TRPM3: variants seen among roughly 807,000 people sequenced by gnomAD.
TRPM3 encodes long transient receptor potential channel 3.
Under a neutral mutation model 181.2 loss-of-function variants are expected in TRPM3, and 77 were observed. The observed-to-expected ratio is 0.42, with a 90% confidence interval of 0.35 to 0.51. The LOEUF (loss-of-function observed/expected upper bound fraction) is 0.51. Among genes scored for constraint, TRPM3 ranks in the 20% least tolerant of loss-of-function variants. TRPM3 has a pLI of 0.01. For missense variants in TRPM3, 1,759 were observed against 2,196.7 expected, an observed-to-expected ratio of 0.80 and a Z score of 3.98; for synonymous variants, 745 against 796.4, an observed-to-expected ratio of 0.94 and a Z score of 1.09.
chr9:70,683,246 G>C (rs536600502), intron 8 of TRPM3, among the ~76,000 whole-genome samples: 1 of 151,996 alleles, frequency 6.6e-6, no homozygotes, highest in Non-Finnish European at 1.5e-5. Context: ...TTGAGACAAG[G>C]TCTTTTTCTG....
chr9:71,358,109 G>A (rs1426405278), intron 1 of TRPM3, among the ~76,000 whole-genome samples: 2 of 152,120 alleles, frequency 1.3e-5, no homozygotes, highest in African/African-American at 4.8e-5. Context: ...ACTAGAATAT[G>A]CCAGTCATTT....
At chr9:71,142,400 T>G (rs2075158389) in intron 1 of TRPM3, among the ~76,000 whole-genome samples, 1 of 152,046 alleles carries the variant, frequency 6.6e-6, no homozygotes, top group South Asian at 2.1e-4. Context: ...AGAAGGAAAG[T>G]AGGGAATTGA....
intron 22 of TRPM3, among the ~76,000 whole-genome samples, chr9:70,564,858 T>C (rs62545462): frequency 0.23 from 35,470 of 152,204 alleles, 4,838 homozygotes; most frequent in Admixed American, 0.31. Flanking sequence ...AATAAGTTCC[T>C]GCTGACATTA....
intron 1 of TRPM3, among the ~76,000 whole-genome samples, chr9:71,217,751 C>T (rs938354358): frequency 1.3e-5 from 2 of 152,180 alleles, no homozygotes; most frequent in Non-Finnish European, 2.9e-5. Context: ...GGGGAACCAA[C>T]CAAACAAACA....
chr9:70,816,677 A>T (rs2092720255), intron 6 of TRPM3, among the ~76,000 whole-genome samples: 1 of 152,222 alleles, frequency 6.6e-6, no homozygotes, highest in African/African-American at 2.4e-5. Flanking sequence ...TTTATTTTTA[A>T]TATTTTGGAA....
intron 20 of TRPM3, among the ~76,000 whole-genome samples, chr9:70,598,952 T>C (rs1272667315): frequency 2.0e-5 from 3 of 152,202 alleles, no homozygotes; most frequent in African/African-American, 7.2e-5. Context: ...TCAATCCTAG[T>C]ATGCTGCAAA....
intron 1 of TRPM3, among the ~76,000 whole-genome samples, chr9:70,898,589 A>G (rs28572560): frequency 0.061 from 9,191 of 150,376 alleles, 525 homozygotes; most frequent in African/African-American, 0.15. Flanking sequence ...CTCTACTAAA[A>G]ATACAAAAAT....
intron 1 of TRPM3, among the ~76,000 whole-genome samples, chr9:71,375,293 A>G (rs2092637600): frequency 6.6e-6 from 1 of 152,190 alleles, no homozygotes; most frequent in African/African-American, 2.4e-5. Context: ...CCTATTTAAT[A>G]AATGATACTG....
chr9:71,270,895 C>T (rs1328738082), intron 1 of TRPM3, among the ~76,000 whole-genome samples: 1 of 152,148 alleles, frequency 6.6e-6, no homozygotes, highest in African/African-American at 2.4e-5. Context: ...TGGAAAGATC[C>T]ATGTGGGAAA....
At chr9:70,644,342 T>C (rs1203566939) in intron 9 of TRPM3, among the ~76,000 whole-genome samples, 1 of 152,176 alleles carries the variant, frequency 6.6e-6, no homozygotes, top group Admixed American at 6.5e-5. Flanking sequence ...TACCCGACCT[T>C]GCATGTCCCC....
At chr9:71,088,335 A>G (rs548989058) in intron 1 of TRPM3, among the ~76,000 whole-genome samples, 2 of 152,232 alleles carry the variant, frequency 1.3e-5, no homozygotes, top group East Asian at 3.9e-4. Flanking sequence ...GCAAGGAAGG[A>G]ACTGCATTTT....
chr9:71,331,604 T>C (rs2090115735), intron 1 of TRPM3, among the ~76,000 whole-genome samples: 1 of 150,250 alleles, frequency 6.7e-6, no homozygotes. Context: ...TAGTTTATAT[T>C]CTAAAAATAA....
intron 1 of TRPM3, among the ~76,000 whole-genome samples, chr9:71,054,350 C>T (rs566711328): frequency 1.3e-5 from 2 of 152,156 alleles, no homozygotes; most frequent in Admixed American, 6.5e-5. Flanking sequence ...TCTATTCCCC[C>T]CTTTAGAAGG....
intron 1 of TRPM3, among the ~76,000 whole-genome samples, chr9:71,024,999 T>A (rs1186798434): frequency 6.6e-6 from 1 of 152,180 alleles, no homozygotes; most frequent in African/African-American, 2.4e-5. Flanking sequence ...GGTTCACCAA[T>A]ACCTCTCACT....
intron 1 of TRPM3, among the ~76,000 whole-genome samples, chr9:71,349,968 C>CATATATATATATATAT (rs758622802): frequency 1.5e-4 from 10 of 67,898 alleles, no homozygotes; most frequent in African/African-American, 4.6e-4. Flanking sequence ...ATTGTAAGTG[C>CATATATATATATATAT]ATATATATAT....
chr9:71,207,937 G>C (rs2131778231), intron 1 of TRPM3, among the ~76,000 whole-genome samples: 1 of 152,154 alleles, frequency 6.6e-6, no homozygotes, highest in African/African-American at 2.4e-5. Context: ...GATGAGAGTG[G>C]TTTCCTTGTC....
intron 22 of TRPM3, among the ~76,000 whole-genome samples, chr9:70,556,581 G>A (rs1235306624): frequency 6.7e-6 from 1 of 149,336 alleles, no homozygotes; most frequent in Non-Finnish European, 1.5e-5. Flanking sequence ...AATTAGTCAG[G>A]CATGGTGGCA....
intron 1 of TRPM3, among the ~76,000 whole-genome samples, chr9:71,297,174 AG>A (rs1474088539): frequency 2.6e-5 from 4 of 151,870 alleles, no homozygotes; most frequent in Non-Finnish European, 4.4e-5. Context: ...TTGTATTTTT[AG>A]TAGAGACCAG....
chr9:70,961,775 C>T (rs2097138934), intron 1 of TRPM3, among the ~76,000 whole-genome samples: 1 of 151,972 alleles, frequency 6.6e-6, no homozygotes, highest in African/African-American at 2.4e-5. Context: ...ATATCATGCA[C>T]AAAGAAAGCA....
Sources: allele counts gnomAD v4.1 joint callset (sites outside exome capture counted in the v4.1 genomes callset), GRCh38; gene constraint gnomAD v4.1.1; transcripts MANE v1.5; gene names NCBI Gene and HGNC (gene_info 2026-07-23, HGNC 2026-07-21).